PRKAR1B: variants seen among roughly 807,000 people sequenced by gnomAD.
PRKAR1B encodes cAMP-dependent protein kinase type I-beta regulatory subunit.
PRKAR1B carries 22 observed loss-of-function variants against 46.5 expected under a neutral mutation model. The ratio of observed to expected loss-of-function variants is 0.47; its 90% confidence interval spans 0.34 to 0.68. The LOEUF is 0.68. Ranked by LOEUF, PRKAR1B falls within the 30% of genes least tolerant of loss-of-function variation. The probability of loss-of-function intolerance (pLI) is 0.01; values close to 1 mark genes in which losing one functional copy is unlikely to be tolerated. For missense variants in PRKAR1B, 445 were observed against 535.6 expected, an observed-to-expected ratio of 0.83 and a Z score of 1.67; for synonymous variants, 259 against 217.7, an observed-to-expected ratio of 1.19 and a Z score of -1.67.
chr7:693,198 G>A (rs1583428153), intron 2 of PRKAR1B, among the ~76,000 whole-genome samples: 1 of 151,076 alleles, frequency 6.6e-6, no homozygotes, highest in African/African-American at 2.4e-5. Context: ...GCCTCCCAAG[G>A]TGCTGGGATT....
intron 4 of PRKAR1B, among the ~76,000 whole-genome samples, chr7:652,740 G>C (rs1419781402): frequency 6.6e-6 from 1 of 152,272 alleles, no homozygotes; most frequent in Non-Finnish European, 1.5e-5. Context: ...TTTGGAGCCA[G>C]AGACAATTCC....
rs574253068 is a variant in PRKAR1B at position 670,477 on chromosome 7, C to T, written c.440+6752G>A. 2.0e-5 allele frequency among the ~76,000 whole-genome samples: 3 copies of T among 152,296 alleles called. No individual in the cohort carries two copies. In the East Asian group the frequency reaches 5.8e-4, roughly 29 times the overall value. On this transcript the variant is annotated intron_variant, in intron 4 of 10. Coordinates refer to ENST00000537384, the MANE Select transcript of PRKAR1B (RefSeq NM_001164760.2). ...GGCGGCCTGGGCCTCTGAGCTCCCC[C>T]ATGCCACAGCGTCCAGCAGAGGGGC...
chr7:615,200 C>T (rs893770110), intron 4 of PRKAR1B, among the ~76,000 whole-genome samples: 2 of 151,964 alleles, frequency 1.3e-5, no homozygotes, highest in East Asian at 1.9e-4. Flanking sequence ...CCAAGGCAGG[C>T]GGATCACAAG....
At chr7:726,667 G>C in intron 1 of PRKAR1B, 8 of 1,196,672 alleles carry the variant, frequency 6.7e-6, no homozygotes, top group Non-Finnish European at 5.2e-6. Flanking sequence ...GCCGTAATCT[G>C]CGCTGAGAGT....
rs549009240 is a variant in PRKAR1B, at chr7:688,023, G to A, written c.178-7297C>T. Among the ~76,000 whole-genome samples the A allele has an allele frequency of 2.7e-5, 4 of 150,064 alleles. No individual in the cohort carries two copies. The South Asian group carries it at 8.4e-4, about 32-fold the overall frequency. ...AGGCAGGAGAATCATTTGAACCCAGGAGGGAGAGGTTGCAATGAGCCAAGA... is the reference window on the plus strand; with the variant it reads ...AGGCAGGAGAATCATTTGAACCCAGAAGGGAGAGGTTGCAATGAGCCAAGA... On this transcript the variant is annotated intron_variant, in intron 2 of 10. Coordinates refer to ENST00000537384, the MANE Select transcript of PRKAR1B (RefSeq NM_001164760.2).
At chr7:683,426 A>T (rs940621364) in intron 2 of PRKAR1B, among the ~76,000 whole-genome samples, 2 of 152,202 alleles carry the variant, frequency 1.3e-5, no homozygotes, top group Admixed American at 6.5e-5. Context: ...TGAGGTGATC[A>T]CCAGATCACA....
intron 4 of PRKAR1B, among the ~76,000 whole-genome samples, chr7:643,649 G>A (rs1156815190): frequency 6.6e-6 from 1 of 151,464 alleles, no homozygotes; most frequent in Non-Finnish European, 1.5e-5. Flanking sequence ...TTGAACTGGG[G>A]AGGTGGAGGT....
At chr7:556,549 G>A (rs1369491323) in intron 9 of PRKAR1B, among the ~76,000 whole-genome samples, 1 of 152,208 alleles carries the variant, frequency 6.6e-6, no homozygotes, top group African/African-American at 2.4e-5. Context: ...TGTATTCTTA[G>A]GAGTCACTGC....
At chr7:643,737 C>T (rs1211181026) in intron 4 of PRKAR1B, among the ~76,000 whole-genome samples, 3 of 151,654 alleles carry the variant, frequency 2.0e-5, no homozygotes, top group Admixed American at 6.6e-5. Flanking sequence ...AAAAAAAAGT[C>T]GCAGCTTCCT....
chr7:635,830 G>A (rs73254219), intron 4 of PRKAR1B, among the ~76,000 whole-genome samples: 82 of 152,138 alleles, frequency 5.4e-4, no homozygotes, highest in African/African-American at 1.9e-3. Flanking sequence ...CTTACTAGCT[G>A]GATGATTTCA....
intron 4 of PRKAR1B, among the ~76,000 whole-genome samples, chr7:634,541 C>T (rs141187250): frequency 3.3e-5 from 5 of 151,976 alleles, no homozygotes; most frequent in African/African-American, 1.2e-4. Flanking sequence ...CAGGGTGCTG[C>T]GTGCAGGGTG....
intron 2 of PRKAR1B, among the ~76,000 whole-genome samples, chr7:691,162 C>A (rs1208595303): frequency 6.6e-6 from 1 of 151,930 alleles, no homozygotes; most frequent in Non-Finnish European, 1.5e-5. Context: ...CCCGCGCCCA[C>A]CCAAACTGTC....
chr7:686,106 C>G (rs1255665813), intron 2 of PRKAR1B, among the ~76,000 whole-genome samples: 2 of 152,030 alleles, frequency 1.3e-5, no homozygotes, highest in Non-Finnish European at 2.9e-5. Context: ...TGAGACCATC[C>G]TGGCTAACAC....
At chr7:565,882 C>A (rs1190052936) in intron 9 of PRKAR1B, among the ~76,000 whole-genome samples, 5 of 152,182 alleles carry the variant, frequency 3.3e-5, no homozygotes, top group African/African-American at 1.2e-4. Flanking sequence ...CCAGAATCCA[C>A]CAGGTTCTGG....
chr7:619,949 C>A (rs1783025668), intron 4 of PRKAR1B, among the ~76,000 whole-genome samples: 1 of 151,976 alleles, frequency 6.6e-6, no homozygotes, highest in African/African-American at 2.4e-5. Context: ...CTCCTGGGCT[C>A]AAGTGATCCT....
intron 2 of PRKAR1B, among the ~76,000 whole-genome samples, chr7:695,672 T>G (rs368597141): frequency 6.8e-6 from 1 of 147,484 alleles, no homozygotes; most frequent in African/African-American, 2.5e-5. Context: ...TTGTTTTTTG[T>G]TTTTTTTTTG....
intron 2 of PRKAR1B, among the ~76,000 whole-genome samples, chr7:694,768 G>A (rs1320877886): frequency 1.3e-5 from 2 of 152,164 alleles, no homozygotes; most frequent in African/African-American, 2.4e-5. Flanking sequence ...GGGCATGGTG[G>A]CTCACACCTG....
chr7:575,337 G>A (rs1002141469), intron 9 of PRKAR1B, among the ~76,000 whole-genome samples: 3 of 152,240 alleles, frequency 2.0e-5, no homozygotes, highest in Admixed American at 6.5e-5. Flanking sequence ...GCCCCAAGAA[G>A]AGCATCCCGG....
At chr7:641,254 A>T (rs1016796577) in intron 4 of PRKAR1B, among the ~76,000 whole-genome samples, 2 of 152,120 alleles carry the variant, frequency 1.3e-5, no homozygotes, top group Non-Finnish European at 1.5e-5. Flanking sequence ...GCCCGGCCGG[A>T]AAAGAGAATT....
Sources: gnomAD v4.1 joint callset for allele counts (sites outside exome capture counted in the v4.1 genomes callset) on GRCh38, gnomAD v4.1.1 for gene constraint, MANE v1.5 for transcripts, NCBI Gene and HGNC (gene_info 2026-07-23, HGNC 2026-07-21) for gene names.